CDC42BPA: variants seen among roughly 807,000 people sequenced by gnomAD.
The protein encoded by CDC42BPA is serine/threonine-protein kinase MRCK alpha.
Under a neutral mutation model 223.5 loss-of-function variants are expected in CDC42BPA, and 80 were observed. The observed-to-expected ratio is 0.36, with a 90% CI of 0.30 to 0.43. The LOEUF (loss-of-function observed/expected upper bound fraction) is 0.43. Ranked by LOEUF, CDC42BPA falls within the 20% of genes least tolerant of loss-of-function variation. The pLI, the probability that CDC42BPA is intolerant of heterozygous loss-of-function variation, is 1.00. For missense variants in CDC42BPA, 1,743 were observed against 2,099.9 expected (o/e 0.83, Z 3.32); for synonymous variants, 694 against 718.6 (o/e 0.97, Z 0.55).
intron 5 of CDC42BPA, among the ~76,000 whole-genome samples, chr1:227,182,119 A>G (rs1668041047): frequency 6.6e-6 from 1 of 152,020 alleles, no homozygotes; most frequent in Non-Finnish European, 1.5e-5. Flanking sequence ...AGTTTTCTTT[A>G]TTGGCTACTC....
chr1:227,296,288 A>G (rs2148692814), intron 1 of CDC42BPA, among the ~76,000 whole-genome samples: 1 of 152,346 alleles, frequency 6.6e-6, no homozygotes, highest in East Asian at 1.9e-4. Flanking sequence ...CTATATGGCA[A>G]ATCTGGAACA....
chr1:227,263,825 A>G (rs1205442964), intron 1 of CDC42BPA, among the ~76,000 whole-genome samples: 1 of 151,882 alleles, frequency 6.6e-6, no homozygotes, highest in Non-Finnish European at 1.5e-5. Context: ...CAGGTGATCC[A>G]CCCACCTCAG....
intron 1 of CDC42BPA, among the ~76,000 whole-genome samples, chr1:227,259,743 A>G (rs762504114): frequency 1.1e-4 from 16 of 151,054 alleles, no homozygotes; most frequent in Non-Finnish European, 2.4e-4. Context: ...AGCTCAGAGA[A>G]GGACACACCA....
In CDC42BPA at chr1:227,190,518, CCA is replaced by C. The variant is rs541440267; in HGVS notation, c.599+3266_599+3267del. 2.2e-4 allele frequency among the ~76,000 whole-genome samples: 34 copies of C among 152,304 alleles called. No homozygotes were observed. In the South Asian group the frequency reaches 6.8e-3, roughly 31 times the overall value. On this transcript the variant is annotated intron_variant, in intron 5 of 36. Coordinates refer to ENST00000366766, the MANE Select transcript of CDC42BPA (RefSeq NM_001394014.1). The stretch of plus-strand genomic sequence containing the variant: ...TTGCTTGTATAACTCATTTAGCAAT[CCA>C]CAGTCTGGACTCACTCCATCATCTC...
chr1:227,108,596 A>G (rs962479007), intron 14 of CDC42BPA, among the ~76,000 whole-genome samples: 3 of 152,074 alleles, frequency 2.0e-5, no homozygotes, highest in Non-Finnish European at 2.9e-5. Context: ...GAAAAGTTCT[A>G]TATATGGTTG....
chr1:227,210,274 CTATT>C (rs1464036351), intron 3 of CDC42BPA, among the ~76,000 whole-genome samples: 1 of 152,126 alleles, frequency 6.6e-6, no homozygotes, highest in African/African-American at 2.4e-5. Context: ...ATTTCGAGGA[CTATT>C]TATCTTAAAC....
intron 2 of CDC42BPA, among the ~76,000 whole-genome samples, chr1:227,241,825 A>G (rs751108379): frequency 8.5e-5 from 13 of 152,164 alleles, no homozygotes; most frequent in Non-Finnish European, 1.5e-4. Flanking sequence ...AGATCTAAAC[A>G]AACAACAAAA....
chr1:227,300,514 C>A (rs1277169117), intron 1 of CDC42BPA, among the ~76,000 whole-genome samples: 1 of 152,074 alleles, frequency 6.6e-6, no homozygotes, highest in Non-Finnish European at 1.5e-5. Context: ...AAAATAATGT[C>A]TTTTGCAACA....
intron 6 of CDC42BPA, 140 bp from the exon 7 acceptor site, chr1:227,147,699 A>G (rs1660942045): frequency 7.8e-6 from 4 of 516,008 alleles, no homozygotes; most frequent in African/African-American, 1.9e-5. Flanking sequence ...ATCCTTGTAT[A>G]TATGTTAAAT....
At chr1:227,036,590 C>T (rs113088438) in intron 24 of CDC42BPA, among the ~76,000 whole-genome samples, 19,564 of 151,870 alleles carry the variant, frequency 0.13, 1,344 homozygotes, top group East Asian at 0.26. Flanking sequence ...CCACCTTGCC[C>T]GGCTAATTTT....
chr1:227,081,565 G>T (rs111719918), intron 16 of CDC42BPA, among the ~76,000 whole-genome samples: 4,791 of 151,322 alleles, frequency 0.032, 228 homozygotes, highest in African/African-American at 0.11. Flanking sequence ...CGATTCTCCT[G>T]TCTCAGCCTC....
chr1:227,291,466 T>C (rs1160882336), intron 1 of CDC42BPA, among the ~76,000 whole-genome samples: 1 of 152,062 alleles, frequency 6.6e-6, no homozygotes, highest in Non-Finnish European at 1.5e-5. Context: ...GGAGAATCGC[T>C]TGAATCCAGG....
intron 1 of CDC42BPA, among the ~76,000 whole-genome samples, chr1:227,276,350 C>T (rs1397915364): frequency 6.0e-5 from 9 of 150,696 alleles, no homozygotes; most frequent in African/African-American, 9.8e-5. Context: ...TCTGCCCGGC[C>T]GCCCCGTCTG....
chr1:227,231,989 T>G (rs1047910375), intron 2 of CDC42BPA, among the ~76,000 whole-genome samples: 1 of 152,232 alleles, frequency 6.6e-6, no homozygotes, highest in African/African-American at 2.4e-5. Flanking sequence ...TTAGTTTAAT[T>G]AGATCCCATT....
intron 6 of CDC42BPA, among the ~76,000 whole-genome samples, chr1:227,153,234 A>AG (rs1662120401): frequency 9.7e-6 from 1 of 102,852 alleles, no homozygotes; most frequent in Non-Finnish European, 2.2e-5. Flanking sequence ...CCCAAAAGTT[A>AG]GAAAAAAAAA....
chr1:227,181,024 C>A (rs1667845924), intron 5 of CDC42BPA, among the ~76,000 whole-genome samples: 1 of 151,766 alleles, frequency 6.6e-6, no homozygotes, highest in African/African-American at 2.4e-5. Flanking sequence ...TTAGAAATAA[C>A]CTCTACTCCC....
chr1:227,060,994 T>A (rs2148956878), intron 21 of CDC42BPA, among the ~76,000 whole-genome samples: 1 of 152,226 alleles, frequency 6.6e-6, no homozygotes, highest in Non-Finnish European at 1.5e-5. Flanking sequence ...GTGCTGGGAT[T>A]ACAGGTGTGA....
intron 24 of CDC42BPA, among the ~76,000 whole-genome samples, chr1:227,037,893 G>A (rs1316539709): frequency 1.3e-5 from 2 of 152,134 alleles, no homozygotes; most frequent in Admixed American, 6.5e-5. Flanking sequence ...TAAGAAGAAT[G>A]AGACATCAAT....
intron 17 of CDC42BPA, among the ~76,000 whole-genome samples, chr1:227,077,081 G>T (rs1483048690): frequency 6.6e-6 from 1 of 152,068 alleles, no homozygotes; most frequent in Admixed American, 6.5e-5. Context: ...AAATACTATT[G>T]CATTGGGCAT....
Sources: allele counts gnomAD v4.1 joint callset (sites outside exome capture counted in the v4.1 genomes callset), GRCh38; gene constraint gnomAD v4.1.1; transcripts MANE v1.5; gene names NCBI Gene and HGNC (gene_info 2026-07-23, HGNC 2026-07-21).